ZNF43: variants seen among roughly 807,000 people sequenced by gnomAD.
ZNF43 encodes zinc finger protein 39-like 1 (KOX 27).
A neutral mutation model predicts 68.4 loss-of-function variants in ZNF43; 44 were observed. The ratio of observed to expected loss-of-function variants is 0.64; its 90% CI spans 0.51 to 0.83. The LOEUF is 0.83. Among genes scored for constraint, ZNF43 ranks in the 40% least tolerant of loss-of-function variants. ZNF43 has a pLI of 0.00. For synonymous variants in ZNF43, 308 were observed against 307.8 expected, an observed-to-expected ratio of 1.00 and a Z score of -0.01; for missense variants, 896 against 933.2, an observed-to-expected ratio of 0.96 and a Z score of 0.52.
At chr19:21,847,570 G>T (rs1968043061) in intron 1 of ZNF43, among the ~76,000 whole-genome samples, 1 of 152,090 alleles carries the variant, frequency 6.6e-6, no homozygotes, top group African/African-American at 2.4e-5. Flanking sequence ...GGTGGCACAT[G>T]CCTGTAGTCC....
At chr19:21,845,073 C>T (rs1362844020) in intron 1 of ZNF43, among the ~76,000 whole-genome samples, 2 of 151,386 alleles carry the variant, frequency 1.3e-5, no homozygotes, top group African/African-American at 4.9e-5. Context: ...GTCACATCAC[C>T]TAGGTGCTTG....
chr19:21,846,715 G>A (rs1967979332), intron 1 of ZNF43, among the ~76,000 whole-genome samples: 1 of 152,160 alleles, frequency 6.6e-6, no homozygotes, highest in Non-Finnish European at 1.5e-5. Flanking sequence ...TCAGCTATGT[G>A]CTGCAAAATG....
intron 1 of ZNF43, among the ~76,000 whole-genome samples, chr19:21,824,942 G>A (rs1326077162): frequency 6.6e-6 from 1 of 152,104 alleles, no homozygotes; most frequent in Non-Finnish European, 1.5e-5. Flanking sequence ...AAAGTTGTTT[G>A]TCAGCCACTT....
At chr19:21,844,921 A>AAAAAAAAAATATATATATAT (rs1310761266) in intron 1 of ZNF43, among the ~76,000 whole-genome samples, 1 of 26,050 alleles carries the variant, frequency 3.8e-5, no homozygotes, top group African/African-American at 2.2e-4. Context: ...AAAAAAAAAA[A>AAAAAAAAAATATATATATAT]ATATATATAT....
chr19:21,809,489 A>G lies in ZNF43; in HGVS notation c.548T>C (p.Phe183Ser). 1 of 1,613,848 alleles carries G rather than the reference A, an allele frequency of 6.2e-7. No homozygotes were observed. The change falls in exon 4 of 4, where the codon TTT becomes TCT. Residue 183 changes from phenylalanine (F) to serine (S), a missense_variant. Phe to Ser is a radical substitution (Grantham distance 155). Coordinates refer to ENST00000354959, the MANE Select transcript of ZNF43 (RefSeq NM_003423.4). ...TTGAGCTAGATGTGGAAGCATGCAAAATGATTTGCCACATTCTTTGCATTT... is the reference window on the plus strand; with the variant it reads ...TTGAGCTAGATGTGGAAGCATGCAAGATGATTTGCCACATTCTTTGCATTT... Reference protein sequence around the residue: ...LFKCKECGKSFCMLPHLAQHK... With the variant: ...LFKCKECGKSSCMLPHLAQHK...
In ZNF43 at chr19:21,851,785, A is replaced by G. The variant is rs1297965227; in HGVS notation, c.30+120T>C. 5.5e-6 allele frequency: 6 copies of G among 1,098,484 alleles called. No individual in the cohort carries two copies. In the Admixed American group the frequency reaches 1.9e-4, roughly 34 times the overall value. The allele number at this position is 1,098,484 out of a possible 1,614,324, so 68.0% of individuals were successfully genotyped here. ...GGCCCAGCCGCCATCTTGCGGCCAG[A>G]GGGGCCTGGGGCGGAGCTGCGCCAG... On this transcript the variant is annotated intron_variant, in intron 1 of 3. Transcript: ENST00000357491.
At chr19:21,819,468 T>C (rs1420345543) in intron 1 of ZNF43, among the ~76,000 whole-genome samples, 1 of 152,226 alleles carries the variant, frequency 6.6e-6, no homozygotes, top group East Asian at 1.9e-4. Flanking sequence ...CTTTTCTGGA[T>C]GATAAACTGT....
intron 1 of ZNF43, among the ~76,000 whole-genome samples, chr19:21,843,712 A>C (rs2457784): frequency 0.47 from 70,776 of 151,832 alleles, 18,927 homozygotes; most frequent in African/African-American, 0.75. Flanking sequence ...TCACTTGAAC[A>C]TGGGAGGTGG....
upstream of ZNF43, among the ~76,000 whole-genome samples, chr19:21,838,548 C>T (rs962042663): frequency 6.6e-6 from 1 of 151,988 alleles, no homozygotes; most frequent in East Asian, 1.9e-4. Flanking sequence ...TACAGATGTG[C>T]GCTACCACAC....
chr19:21,832,359 A>G (rs970953491), intron 1 of ZNF43, among the ~76,000 whole-genome samples: 5 of 152,200 alleles, frequency 3.3e-5, no homozygotes, highest in Non-Finnish European at 7.3e-5. Flanking sequence ...CTTTTCTTAC[A>G]CCATATACAA....
At chr19:21,824,218 C>T (rs923843492) in intron 1 of ZNF43, among the ~76,000 whole-genome samples, 7 of 152,032 alleles carry the variant, frequency 4.6e-5, no homozygotes, top group African/African-American at 1.7e-4. Context: ...TGGTAGAGCT[C>T]CAGAACCTGC....
At chr19:21,810,784 C>T (rs2037235724) in intron 3 of ZNF43, among the ~76,000 whole-genome samples, 1 of 151,956 alleles carries the variant, frequency 6.6e-6, no homozygotes, top group Non-Finnish European at 1.5e-5. Flanking sequence ...TCTGTCTCTA[C>T]AAATAATAAT....
At chr19:21,852,040 C>A in exon 1 of ZNF43, 2 of 1,308,332 alleles carry the variant, frequency 1.5e-6, no homozygotes, top group South Asian at 1.4e-5. Context: ...AGAGGCGGGT[C>A]CCAAGGTCTA....
chr19:21,831,524 C>T (rs1437144618), intron 1 of ZNF43, among the ~76,000 whole-genome samples: 3 of 152,000 alleles, frequency 2.0e-5, no homozygotes, highest in Non-Finnish European at 2.9e-5. Context: ...CAACGCCTAG[C>T]TAATTTTTGT....
In ZNF43 at chr19:21,819,126, C is replaced by T. The variant is rs776853520; in HGVS notation, c.99G>A (p.Met33Ile). ...AGACCAGGTTTCTGTAGTTCTCTAA[C>T]ATCACATTCCTATATAAATTCTGCT... ...IAQQNLYRNVMLENYRNLVFL... is the reference protein window; with the variant it reads ...IAQQNLYRNVILENYRNLVFL... Residue 33 changes from methionine (M) to isoleucine (I), a missense_variant, in exon 2 of 4, where the codon ATG becomes ATA. By Grantham distance (10) the Met-to-Ile change is conservative. Transcript: ENST00000354959. 35 of 1,611,654 alleles carry T rather than the reference C, an allele frequency of 2.2e-5. No individual in the cohort carries two copies. Among genetic ancestry groups the T allele is most frequent in the Non-Finnish European group, 2.7e-5 (32 of 1,179,020 alleles).
upstream of ZNF43, among the ~76,000 whole-genome samples, chr19:21,836,570 TTTA>T (rs1432663649): frequency 6.6e-6 from 1 of 152,210 alleles, no homozygotes; most frequent in Non-Finnish European, 1.5e-5. Context: ...CATTGAATAT[TTTA>T]TTATTTATCC....
At chr19:21,842,476 G>A (rs1599542800) in intron 1 of ZNF43, among the ~76,000 whole-genome samples, 1 of 149,922 alleles carries the variant, frequency 6.7e-6, no homozygotes, top group Admixed American at 6.7e-5. Context: ...AGCAGTAGAC[G>A]AGGGTCACAT....
At chr19:21,832,534 C>G (rs766270046) in intron 1 of ZNF43, among the ~76,000 whole-genome samples, 1 of 152,054 alleles carries the variant, frequency 6.6e-6, no homozygotes, top group Non-Finnish European at 1.5e-5. Flanking sequence ...ACAAATGGGA[C>G]CTAATTAAAC....
In ZNF43 at chr19:21,819,127, A is replaced by G. The variant is rs1303150107; in HGVS notation, c.98T>C (p.Met33Thr). 25 of 1,611,800 alleles carry G rather than the reference A, an allele frequency of 1.6e-5. No individual in the cohort carries two copies. Among genetic ancestry groups the G allele is most frequent in the Non-Finnish European group, 2.1e-5 (25 of 1,179,034 alleles). The change falls in exon 2 of 4, where the codon ATG becomes ACG. Residue 33 changes from methionine (M) to threonine (T), a missense_variant. Coordinates refer to ENST00000354959, the MANE Select transcript of ZNF43 (RefSeq NM_003423.4). The part of the protein sequence containing the change: ...IAQQNLYRNV[M>T]LENYRNLVFL... ...GACCAGGTTTCTGTAGTTCTCTAAC[A>G]TCACATTCCTATATAAATTCTGCTG... is the stretch of plus-strand genomic sequence containing the variant.
Sources: gnomAD v4.1 joint callset for allele counts (sites outside exome capture counted in the v4.1 genomes callset) on GRCh38, gnomAD v4.1.1 for gene constraint, MANE v1.5 for transcripts, NCBI Gene and HGNC (gene_info 2026-07-23, HGNC 2026-07-21) for gene names.